The following RHOA variants were observed in gnomAD, a reference collection of about 807,000 sequenced individuals.
The protein encoded by RHOA is ras homolog family member A.
Under a neutral mutation model 17.5 loss-of-function variants are expected in RHOA, and 3 were observed. That is an observed-to-expected ratio of 0.17 (90% CI 0.08 to 0.44). RHOA has a LOEUF of 0.44. Among genes scored for constraint, RHOA ranks in the 20% least tolerant of loss-of-function variants. The pLI is 0.99. For missense variants in RHOA, 56 were observed against 242.3 expected (o/e 0.23, Z 5.10); for synonymous variants, 98 against 88.4 (o/e 1.11, Z -0.61).
chr3:49,375,523 T>C lies in RHOA; in HGVS notation c.67A>G (p.Ile23Val). 1 of 1,614,106 alleles carries C rather than the reference T, an allele frequency of 6.2e-7. No individual in the cohort carries two copies. The highest frequency in any genetic ancestry group is 8.5e-7 in the Non-Finnish European group (1 of 1,179,984). ...GGGAACTGGTCCTTGCTGAAGACTA[T>C]GAGCAAGCATGTCTTTCCACAGGCT... ...DGACGKTCLL[I>V]VFSKDQFPEV... The change falls in exon 2 of 5, where the codon ATA (isoleucine) becomes GTA (valine). Residue 23 changes from isoleucine (I) to valine (V), a missense_variant. Ile to Val is a conservative substitution (Grantham distance 29). Coordinates refer to ENST00000418115, the MANE Select transcript of RHOA (RefSeq NM_001664.4).
chr3:49,377,535 G>A (rs2048248611), intron 1 of RHOA, among the ~76,000 whole-genome samples: 2 of 151,764 alleles, frequency 1.3e-5, no homozygotes, highest in Admixed American at 6.6e-5. Flanking sequence ...GGAAGCTGCA[G>A]TGAGCTGAGA....
intron 1 of RHOA, among the ~76,000 whole-genome samples, chr3:49,396,073 GT>G (rs2048610648): frequency 6.6e-6 from 1 of 152,146 alleles, no homozygotes; most frequent in Admixed American, 6.6e-5. Flanking sequence ...GCTCAAAAAG[GT>G]ATGATGATAA....
chr3:49,408,561 C>T (rs972974994), intron 1 of RHOA, among the ~76,000 whole-genome samples: 1 of 152,140 alleles, frequency 6.6e-6, no homozygotes, highest in African/African-American at 2.4e-5. Context: ...CTTAATACTA[C>T]AGCTCCACAG....
chr3:49,398,977 C>T (rs1367116304), intron 1 of RHOA, among the ~76,000 whole-genome samples: 1 of 143,134 alleles, frequency 7.0e-6, no homozygotes, highest in African/African-American at 2.6e-5. Flanking sequence ...GAATTGCTGC[C>T]TCGGGAGGCA....
At chr3:49,409,353 C>T (rs1051372357) in intron 1 of RHOA, among the ~76,000 whole-genome samples, 4 of 151,972 alleles carry the variant, frequency 2.6e-5, no homozygotes, top group Admixed American at 2.6e-4. Context: ...TGAGATCGCG[C>T]CACTGCACTC....
chr3:49,360,391 G>C lies in RHOA; in HGVS notation c.409-9C>G. On this transcript the variant is annotated splice_polypyrimidine_tract_variant and intron_variant, in intron 4 of 4. Coordinates refer to ENST00000418115, the MANE Select transcript of RHOA (RefSeq NM_001664.4). Reference sequence around the variant, plus strand: ...TCAGGTTTCACCGGCTCCTAGCAAAGAAAAAAAAATAGTCCTTTTAGCTAA... The same window carrying C: ...TCAGGTTTCACCGGCTCCTAGCAAACAAAAAAAAATAGTCCTTTTAGCTAA... The C allele has an allele frequency of 1.3e-6, 2 of 1,566,572 alleles. No homozygotes were observed. Among genetic ancestry groups the C allele is most frequent in the Non-Finnish European group, 1.7e-6 (2 of 1,158,092 alleles).
chr3:49,404,940 CAAAAA>C (rs1234076692), intron 1 of RHOA, among the ~76,000 whole-genome samples: 5 of 92,116 alleles, frequency 5.4e-5, no homozygotes. Flanking sequence ...CTCTTGTCTC[CAAAAA>C]AAAAAATAAT....
intron 1 of RHOA, among the ~76,000 whole-genome samples, chr3:49,387,511 C>T (rs2048419664): frequency 6.7e-6 from 1 of 150,172 alleles, no homozygotes. Flanking sequence ...TTGGGAGGCC[C>T]AAGGTGGGCA....
intron 1 of RHOA, among the ~76,000 whole-genome samples, chr3:49,398,170 G>A (rs2048650635): frequency 6.6e-6 from 1 of 151,250 alleles, no homozygotes; most frequent in Non-Finnish European, 1.5e-5. Context: ...AGACCACCCC[G>A]GCCAACACGG....
At chr3:49,389,233 G>C (rs2048454587) in intron 1 of RHOA, among the ~76,000 whole-genome samples, 1 of 151,858 alleles carries the variant, frequency 6.6e-6, no homozygotes, top group South Asian at 2.1e-4. Flanking sequence ...TGTAATCCCA[G>C]CTACTCGGGG....
Position 49,386,502 on chromosome 3 carries a change from G to A in RHOA, c.-2-10911C>T, listed in dbSNP as rs554574265. Among the ~76,000 whole-genome samples the A allele has an allele frequency of 4.6e-5, 7 of 152,320 alleles. No homozygotes were observed. The East Asian group carries it at 1.4e-3, about 29-fold the overall frequency. On this transcript the variant is annotated intron_variant, in intron 1 of 4. Transcript: ENST00000418115. Reference sequence around the variant, plus strand: ...TAATTTGTTCAACGTCAGTCGCACTGCTAGCCAGTAAGAGGCAGAATTGGA... The same window carrying A: ...TAATTTGTTCAACGTCAGTCGCACTACTAGCCAGTAAGAGGCAGAATTGGA...
At chr3:49,366,723 T>A (rs1375550549) in intron 3 of RHOA, 2 of 152,238 alleles carry the variant, frequency 1.3e-5, no homozygotes, top group Admixed American at 1.3e-4. Context: ...GCTCAGCTCC[T>A]TGGGCCAGCA....
At chr3:49,370,079 A>G (rs2048126480) in intron 2 of RHOA, among the ~76,000 whole-genome samples, 1 of 151,236 alleles carries the variant, frequency 6.6e-6, no homozygotes, top group South Asian at 2.1e-4. Context: ...GCGAAACTCC[A>G]TTTAAAAAAA....
intron 1 of RHOA, among the ~76,000 whole-genome samples, chr3:49,387,085 C>T (rs1457127564): frequency 8.0e-5 from 10 of 124,842 alleles, no homozygotes; most frequent in Non-Finnish European, 1.6e-4. Context: ...CCATTCCACT[C>T]CAGCCTGGGC....
chr3:49,370,723 T>A (rs1202467802), intron 2 of RHOA, among the ~76,000 whole-genome samples: 2 of 152,150 alleles, frequency 1.3e-5, no homozygotes, highest in African/African-American at 4.8e-5. Flanking sequence ...CATTCAACAC[T>A]GCCCAGCACT....
chr3:49,362,731 A>G, intron 3 of RHOA, 105 bp from the exon 4 acceptor site: 1 of 906,728 alleles, frequency 1.1e-6, no homozygotes, highest in South Asian at 1.7e-5. Context: ...TGGCTTCAGA[A>G]AAATGCTAGA....
chr3:49,404,861 C>T (rs1221170818), intron 1 of RHOA, among the ~76,000 whole-genome samples: 2 of 151,562 alleles, frequency 1.3e-5, no homozygotes, highest in African/African-American at 4.9e-5. Flanking sequence ...ACCGCATGAA[C>T]CCGGGAGGCA....
chr3:49,408,124 A>G (rs1376099911), intron 1 of RHOA, among the ~76,000 whole-genome samples: 1 of 151,430 alleles, frequency 6.6e-6, no homozygotes, highest in Non-Finnish European at 1.5e-5. Context: ...GCGCTACTGC[A>G]CTCTGGCCCG....
At chr3:49,379,446 T>C (rs914695970) in intron 1 of RHOA, among the ~76,000 whole-genome samples, 1 of 152,154 alleles carries the variant, frequency 6.6e-6, no homozygotes, top group Non-Finnish European at 1.5e-5. Context: ...TTTTCCAAAA[T>C]TATTGTGGTG....
Sources: gnomAD v4.1 joint callset for allele counts (sites outside exome capture counted in the v4.1 genomes callset) on GRCh38, gnomAD v4.1.1 for gene constraint, MANE v1.5 for transcripts, NCBI Gene and HGNC (gene_info 2026-07-23, HGNC 2026-07-21) for gene names.